Variants in KANSL1L observed in about 807,000 individuals in gnomAD.
The protein encoded by KANSL1L is KAT8 regulatory NSL complex subunit 1-like protein.
KANSL1L carries 25 observed loss-of-function variants against 108.6 expected under a neutral mutation model. That is an observed-to-expected ratio of 0.23 (90% CI 0.17 to 0.32). The LOEUF (loss-of-function observed/expected upper bound fraction) is 0.32. Ranked by LOEUF, KANSL1L falls within the 10% of genes least tolerant of loss-of-function variation. The probability of loss-of-function intolerance (pLI) is 1.00; values close to 1 mark genes in which losing one functional copy is unlikely to be tolerated. For synonymous variants in KANSL1L, 405 were observed against 395.1 expected, an observed-to-expected ratio of 1.03 and a Z score of -0.30; for missense variants, 1,137 against 1,125.7, an observed-to-expected ratio of 1.01 and a Z score of -0.14.
At chr2:210,119,957 G>T (rs2094998670) in intron 3 of KANSL1L, among the ~76,000 whole-genome samples, 1 of 152,114 alleles carries the variant, frequency 6.6e-6, no homozygotes, top group Non-Finnish European at 1.5e-5. Flanking sequence ...AACCAAAACA[G>T]CATGGTACTC....
chr2:210,149,774 G>A (rs1445390268), intron 2 of KANSL1L, among the ~76,000 whole-genome samples: 1 of 151,796 alleles, frequency 6.6e-6, no homozygotes, highest in East Asian at 1.9e-4. Context: ...ATAATGTTGA[G>A]TACAGTCTTT....
chr2:210,044,812 C>T lies in KANSL1L; in HGVS notation c.1756-708G>A, dbSNP rs540160495. Among the ~76,000 whole-genome samples the T allele has an allele frequency of 6.6e-6, 1 of 152,226 alleles. No homozygotes were observed. The highest frequency in any genetic ancestry group is 1.5e-5 in the Non-Finnish European group (1 of 68,024). On this transcript the variant is annotated intron_variant, in intron 6 of 14. Coordinates refer to ENST00000281772, the MANE Select transcript of KANSL1L (RefSeq NM_152519.4). This position sits in a 1 kb window ranked among gnomAD's most constrained non-coding sequence, Gnocchi z 4.2. ...TTTGAGACAGTCTCGCTCTGTTGCT[C>T]AGACTAGAGTGCAGTGGCAGGATCT...
At chr2:210,058,605 A>C (rs1341961041) in intron 6 of KANSL1L, among the ~76,000 whole-genome samples, 1 of 152,076 alleles carries the variant, frequency 6.6e-6, no homozygotes, top group Non-Finnish European at 1.5e-5. Context: ...AGGCTGAGGC[A>C]GGTGGATCAC....
chr2:210,127,282 C>T (rs1389004517), intron 3 of KANSL1L, among the ~76,000 whole-genome samples: 1 of 152,094 alleles, frequency 6.6e-6, no homozygotes, highest in East Asian at 1.9e-4. Flanking sequence ...ACACCACACA[C>T]AAAAATTAAC....
Position 210,079,612 on chromosome 2 carries a change from GTATATATATATATATA to G in KANSL1L, c.1551-3872_1551-3857del, listed in dbSNP as rs60144283. Among the ~76,000 whole-genome samples the G allele has an allele frequency of 1.7e-3, 114 of 65,644 alleles. 2 individuals carry two copies. Among genetic ancestry groups the G allele is most frequent in the African/African-American group, 9.4e-3 (100 of 10,628 alleles). The allele number at this position is 65,644 out of a possible 152,430, so 43.1% of individuals were successfully genotyped here. On this transcript the variant is annotated intron_variant, in intron 5 of 14. Coordinates refer to ENST00000281772, the MANE Select transcript of KANSL1L (RefSeq NM_152519.4). The stretch of plus-strand genomic sequence containing the variant: ...TCTCAAAAAAAAAAAATATGTATGT[GTATATATATATATATA>G]TATATATATATATATATATATATAT...
chr2:210,141,077 T>G (rs1362370624), intron 2 of KANSL1L, among the ~76,000 whole-genome samples: 1 of 152,194 alleles, frequency 6.6e-6, no homozygotes, highest in East Asian at 1.9e-4. Context: ...CTTTCCCTGA[T>G]TTGGATACTT....
intron 6 of KANSL1L, among the ~76,000 whole-genome samples, chr2:210,050,549 A>C (rs938519045): frequency 6.6e-6 from 1 of 152,076 alleles, no homozygotes; most frequent in Non-Finnish European, 1.5e-5. Flanking sequence ...CAGGGGATAC[A>C]GTGGATGCCT....
chr2:210,110,662 A>T (rs927182145), intron 3 of KANSL1L, among the ~76,000 whole-genome samples: 1 of 152,218 alleles, frequency 6.6e-6, no homozygotes, highest in Non-Finnish European at 1.5e-5. Flanking sequence ...TGGTTAAGAG[A>T]CATGAAAAAT....
chr2:210,095,085 A>T (rs2094724415), intron 5 of KANSL1L, among the ~76,000 whole-genome samples: 1 of 152,056 alleles, frequency 6.6e-6, no homozygotes, highest in South Asian at 2.1e-4. Context: ...CACATATCTT[A>T]ATCTATTTCA....
intron 6 of KANSL1L, among the ~76,000 whole-genome samples, chr2:210,066,524 A>C (rs932496281): frequency 5.3e-5 from 8 of 152,190 alleles, no homozygotes; most frequent in Admixed American, 2.6e-4. Context: ...ATGCCCTGGT[A>C]ACCACCACCA....
At chr2:210,063,680 CTTTTT>C (rs376343411) in intron 6 of KANSL1L, 1 of 147,110 alleles carries the variant, frequency 6.8e-6, no homozygotes, top group Non-Finnish European at 1.5e-5. Flanking sequence ...CTGTAGCCCC[CTTTTT>C]TTTTTGGCCA....
intron 3 of KANSL1L, among the ~76,000 whole-genome samples, chr2:210,112,898 T>G (rs1559567021): frequency 6.6e-6 from 1 of 152,178 alleles, no homozygotes; most frequent in Non-Finnish European, 1.5e-5. Context: ...ACAGTAAATG[T>G]GCAGTTAATT....
At chr2:210,066,892 GA>G (rs1183163903) in intron 6 of KANSL1L, among the ~76,000 whole-genome samples, 3 of 152,222 alleles carry the variant, frequency 2.0e-5, no homozygotes, top group Non-Finnish European at 1.5e-5. Flanking sequence ...TGGATGCCCA[GA>G]AAGCTGGTAA....
At chr2:210,117,948 G>A (rs888459956) in intron 3 of KANSL1L, among the ~76,000 whole-genome samples, 2 of 152,090 alleles carry the variant, frequency 1.3e-5, no homozygotes, top group Non-Finnish European at 2.9e-5. Flanking sequence ...TGGATCACCT[G>A]AGGTTGGGAG....
intron 11 of KANSL1L, among the ~76,000 whole-genome samples, chr2:210,027,930 A>G (rs547455486): frequency 1.3e-5 from 2 of 152,338 alleles, no homozygotes; most frequent in African/African-American, 4.8e-5. Flanking sequence ...TATGCTCTTA[A>G]TACCTCAAAG....
At chr2:210,029,659 ATTG>A (rs3835772) in intron 10 of KANSL1L, 141 bp downstream of exon 10, 92,659 of 456,652 alleles carry the variant, frequency 0.2, 9,907 homozygotes, top group South Asian at 0.23. Context: ...AATCAAATAT[ATTG>A]TTTTCTAACA....
intron 6 of KANSL1L, among the ~76,000 whole-genome samples, chr2:210,060,099 CTAT>C (rs1353880785): frequency 6.6e-6 from 1 of 152,074 alleles, no homozygotes. Flanking sequence ...TTAAAATCTT[CTAT>C]TATTTGTTCA....
intron 2 of KANSL1L, among the ~76,000 whole-genome samples, chr2:210,146,380 T>C (rs1479312846): frequency 1.3e-5 from 2 of 152,232 alleles, no homozygotes; most frequent in African/African-American, 2.4e-5. Flanking sequence ...ATCTTGCTTC[T>C]ATCACTCAGC....
chr2:210,111,927 C>T (rs139463718), intron 3 of KANSL1L, among the ~76,000 whole-genome samples: 2,071 of 146,030 alleles, frequency 0.014, 58 homozygotes, highest in African/African-American at 0.05. Flanking sequence ...TGTTCCCCTT[C>T]CTGTGTTCAT....
Sources: gnomAD v4.1 joint callset for allele counts (sites outside exome capture counted in the v4.1 genomes callset) on GRCh38, gnomAD v4.1.1 for gene constraint, Gnocchi (gnomAD v3.1) non-coding constraint, MANE v1.5 for transcripts, NCBI Gene and HGNC (gene_info 2026-07-23, HGNC 2026-07-21) for gene names.